Variants in H6PD observed in about 807,000 individuals in gnomAD.
The protein encoded by H6PD is GDH/6PGL endoplasmic bifunctional protein.
A neutral mutation model predicts 61.2 loss-of-function variants in H6PD; 48 were observed. The ratio of observed to expected loss-of-function variants is 0.78; its 90% CI spans 0.62 to 1.00. The LOEUF is 1.00. Ranked by LOEUF, H6PD falls within the 50% of genes least tolerant of loss-of-function variation. H6PD has a pLI of 0.00. For synonymous variants in H6PD, 480 were observed against 457.9 expected, an observed-to-expected ratio of 1.05 and a Z score of -0.62; for missense variants, 1,093 against 1,065.0, an observed-to-expected ratio of 1.03 and a Z score of -0.37.
chr1:9,268,639 T>G lies in H6PD; in HGVS notation c.*3770T>G, dbSNP rs546748362. ...GTTAAAATAGGCCCTTCTTACTGAA[T>G]TTCCCTGTTTGTTTCTCTGCAGACA... On this transcript the variant is annotated 3_prime_UTR_variant, in exon 5 of 5. Coordinates refer to ENST00000377403, the MANE Select transcript of H6PD (RefSeq NM_004285.4). 6.6e-6 allele frequency: 1 copy of G among 152,258 alleles called. No homozygotes were observed. The highest frequency in any genetic ancestry group is 2.4e-5 in the African/African-American group (1 of 41,462). The allele number at this position is 152,258 out of a possible 1,614,324, so 9.4% of individuals were successfully genotyped here.
Position 9,263,966 on chromosome 1 carries a change from G to C in H6PD, c.1473G>C (p.Glu491Asp), listed in dbSNP as rs1221880780. 4 of 1,614,092 alleles carry C rather than the reference G, an allele frequency of 2.5e-6. No homozygotes were observed. The highest frequency in any genetic ancestry group is 1.3e-5 in the African/African-American group (1 of 74,948). The stretch of plus-strand genomic sequence containing the variant: ...GGAACTTCTGGACCCCTCTGCTGGA[G>C]AGCCTGGCCCATAAGGCCCCACGCC... ...ASWNFWTPLL[E>D]SLAHKAPRLY... The change falls in exon 5 of 5, where the codon GAG (glutamate) becomes GAC (aspartate). Residue 491 changes from glutamate (E) to aspartate (D), a missense_variant. By Grantham distance (45) the Glu-to-Asp change is conservative. Transcript: ENST00000377403.
In H6PD at chr1:9,264,268, G is replaced by T. The variant is rs751449332; in HGVS notation, c.1775G>T (p.Gly592Val). 27 of 1,609,622 alleles carry T rather than the reference G, an allele frequency of 1.7e-5. No individual in the cohort carries two copies. In the Admixed American group the frequency reaches 3.5e-4, roughly 21 times the overall value. Residue 592 changes from glycine (G) to valine (V), a missense_variant, in exon 5 of 5, where the codon GGC becomes GTC. Physicochemically the swap from Gly to Val is moderately radical, Grantham distance 109. Transcript: ENST00000377403. ...CAGTTCCACCTGGCACTGTCGGGGGGCTCGAGCCCCGTGGCCCTGTTCCAG... is the reference window on the plus strand; with the variant it reads ...CAGTTCCACCTGGCACTGTCGGGGGTCTCGAGCCCCGTGGCCCTGTTCCAG... ...FGQFHLALSG[G>V]SSPVALFQQL...
At chr1:9,247,828 A>G (rs562757185) in intron 3 of H6PD, among the ~76,000 whole-genome samples, 133 of 111,840 alleles carry the variant, frequency 1.2e-3, no homozygotes, top group African/African-American at 6.2e-3. Flanking sequence ...GAGGACAGCT[A>G]AGGTCCCTTA....
intron 3 of H6PD, among the ~76,000 whole-genome samples, chr1:9,248,754 G>A (rs1641265304): frequency 6.6e-6 from 1 of 152,188 alleles, no homozygotes; most frequent in African/African-American, 2.4e-5. Flanking sequence ...ACATTGCTGG[G>A]TTCGAGAAGG....
Position 9,263,502 on chromosome 1 carries a change from A to G in H6PD, c.1016-7A>G, listed in dbSNP as rs1557750423. ...GAGAGTCACCCTCTGCTGTTCCCTC[A>G]CCCCAGCCGTCCTAGTGCACATTGA... On this transcript the variant is annotated splice_polypyrimidine_tract_variant and splice_region_variant and intron_variant, in intron 4 of 4. Transcript: ENST00000377403. The G allele has an allele frequency of 1.9e-6, 3 of 1,613,478 alleles. No homozygotes were observed. Among genetic ancestry groups the G allele is most frequent in the African/African-American group, 1.3e-5 (1 of 74,820 alleles).
rs111798710 is a variant in H6PD, at chr1:9,262,636, A to G, written c.1015+308A>G. 1.8e-3 allele frequency among the ~76,000 whole-genome samples: 281 copies of G among 152,296 alleles called. 2 individuals are homozygous for G. Among genetic ancestry groups the G allele is most frequent in the African/African-American group, 6.5e-3 (269 of 41,564 alleles). On this transcript the variant is annotated intron_variant, in intron 4 of 4. Coordinates refer to ENST00000377403, the MANE Select transcript of H6PD (RefSeq NM_004285.4). ...CTCAGACAGACCTGGTTCCTGCCTCATAGGGTCTCCCCAGTGAGGCCGCAA... is the reference window on the plus strand; with the variant it reads ...CTCAGACAGACCTGGTTCCTGCCTCGTAGGGTCTCCCCAGTGAGGCCGCAA...
chr1:9,264,637 T>C lies in H6PD; in HGVS notation c.2144T>C (p.Leu715Pro). The change falls in exon 5 of 5, where the codon CTG becomes CCG. Residue 715 changes from leucine (L) to proline (P), a missense_variant. Transcript: ENST00000377403. ...QSPTGLDGEQ[L>P]VVLTTSPSQP... Reference sequence around the variant, plus strand: ...CCCACTGGCCTGGATGGCGAGCAGCTGGTCGTGCTGACCACGAGCCCCTCC... The same window carrying C: ...CCCACTGGCCTGGATGGCGAGCAGCCGGTCGTGCTGACCACGAGCCCCTCC... 6.2e-7 allele frequency: 1 copy of C among 1,613,046 alleles called. No individual in the cohort carries two copies. Among genetic ancestry groups the C allele is most frequent in the Non-Finnish European group, 8.5e-7 (1 of 1,179,926 alleles).
chr1:9,247,646 C>G (rs986532813), intron 3 of H6PD, among the ~76,000 whole-genome samples: 12 of 152,292 alleles, frequency 7.9e-5, no homozygotes, highest in African/African-American at 2.9e-4. Flanking sequence ...GTCTCTTCTG[C>G]CAGCCTGTAG....
intron 1 of H6PD, among the ~76,000 whole-genome samples, chr1:9,236,374 A>C (rs114112808): frequency 0.011 from 1,664 of 152,228 alleles, 26 homozygotes; most frequent in African/African-American, 0.038. Context: ...AGAAACTAAC[A>C]TTTCTGGCCG....
At position 9,254,512 on chromosome 1, in the gene H6PD, G is replaced by A. The variant is rs1641458014; in HGVS notation, c.745+7429G>A. ...ATTCATCTGCTATAATAACTTCTTT[G>A]CAGTTCACTGTGACTTCGTTCCCTC... On this transcript the variant is annotated intron_variant, in intron 3 of 4. Transcript: ENST00000377403. The surrounding 1 kb of genome is among the most constrained non-coding windows in gnomAD (Gnocchi z 4.6). Among the ~76,000 whole-genome samples the A allele has an allele frequency of 6.6e-6, 1 of 152,120 alleles. No homozygotes were observed. The highest frequency in any genetic ancestry group is 1.5e-5 in the Non-Finnish European group (1 of 68,040).
intron 3 of H6PD, among the ~76,000 whole-genome samples, chr1:9,260,452 GTGTTA>G (rs1223470679): frequency 6.7e-6 from 1 of 150,312 alleles, no homozygotes; most frequent in African/African-American, 2.5e-5. Flanking sequence ...TGTTATGCTG[GTGTTA>G]TGTTGTTACA....
At chr1:9,250,721 G>C (rs939985727) in intron 3 of H6PD, among the ~76,000 whole-genome samples, 2 of 152,180 alleles carry the variant, frequency 1.3e-5, no homozygotes, top group African/African-American at 2.4e-5. Flanking sequence ...TGCAAGCCAG[G>C]CCTGGGAAAT....
chr1:9,253,969 T>C (rs2100358487), intron 3 of H6PD, among the ~76,000 whole-genome samples: 1 of 152,284 alleles, frequency 6.6e-6, no homozygotes, highest in South Asian at 2.1e-4. Flanking sequence ...ACAGAAGCCC[T>C]GTAAGGGAGG....
intron 3 of H6PD, among the ~76,000 whole-genome samples, chr1:9,249,033 C>A (rs1166937137): frequency 6.6e-6 from 1 of 152,218 alleles, no homozygotes; most frequent in African/African-American, 2.4e-5. Flanking sequence ...GGGGGTCCTG[C>A]CCCTGCTGAA....
rs1391688782 is a variant in H6PD at position 9,234,852 on chromosome 1, C to G, written c.-225C>G. 4.1e-5 allele frequency: 6 copies of G among 147,668 alleles called. No homozygotes were observed. 9.1% of individuals were successfully genotyped at this position (147,668 alleles called of 1,614,324 possible). A position where few individuals can be genotyped will look rare whatever the true frequency, so the allele number is the denominator to read the frequency against. ...GTGGCGGCCGGGCTGGCCTTGGCCT[C>G]GCGCCTTCCCCTGCGGCCGCCGCGG... On this transcript the variant is annotated 5_prime_UTR_variant, in exon 1 of 5. Transcript: ENST00000377403.
rs1218922565 is a variant in H6PD, at chr1:9,271,165, C to T, written c.*6296C>T. On this transcript the variant is annotated 3_prime_UTR_variant, in exon 5 of 5. Transcript: ENST00000377403. ...GCCAGGCTGGTCTCGAACTCCTGAC[C>T]TCAGGTGATCCATCCGCCTTGGCCT... The T allele has an allele frequency of 6.6e-6, 1 of 152,182 alleles. No individual in the cohort carries two copies. The highest frequency in any genetic ancestry group is 1.5e-5 in the Non-Finnish European group (1 of 68,062). 9.4% of individuals were successfully genotyped at this position (152,182 alleles called of 1,614,324 possible).
intron 1 of H6PD, among the ~76,000 whole-genome samples, chr1:9,240,176 A>C (rs1172553728): frequency 1.3e-5 from 2 of 152,144 alleles, no homozygotes; most frequent in African/African-American, 4.8e-5. Context: ...GGATGCCCCC[A>C]CAGCATTTTG....
In H6PD at chr1:9,264,014, T is replaced by C. The variant is rs766968331; in HGVS notation, c.1521T>C (p.Asn507=). 8.1e-6 allele frequency: 13 copies of C among 1,614,106 alleles called. No individual in the cohort carries two copies. The highest frequency in any genetic ancestry group is 4.4e-5 in the South Asian group (4 of 91,094). ...GCCTCTACCCTGGAGGAGCTGAGAATGGCCGTCTGTTGGACTTTGAGTTCA... is the reference window on the plus strand; with the variant it reads ...GCCTCTACCCTGGAGGAGCTGAGAACGGCCGTCTGTTGGACTTTGAGTTCA... ...APRLYPGGAE[N]GRLLDFEFSS... The change falls in exon 5 of 5, where the codon AAT becomes AAC. Residue 507 remains asparagine, a synonymous_variant. Coordinates refer to ENST00000377403, the MANE Select transcript of H6PD (RefSeq NM_004285.4).
chr1:9,239,351 A>G (rs1013099566), intron 1 of H6PD, among the ~76,000 whole-genome samples: 5 of 152,134 alleles, frequency 3.3e-5, no homozygotes, highest in Admixed American at 3.3e-4. Flanking sequence ...TGGGATGAGG[A>G]TTCTCTGAGA....
Sources: allele counts gnomAD v4.1 joint callset (sites outside exome capture counted in the v4.1 genomes callset), GRCh38; gene constraint gnomAD v4.1.1; non-coding constraint Gnocchi (gnomAD v3.1); transcripts MANE v1.5; gene names NCBI Gene and HGNC (gene_info 2026-07-23, HGNC 2026-07-21).